Variants in WWOX observed in about 807,000 individuals in gnomAD.
WWOX encodes the protein WW domain-containing oxidoreductase.
WWOX carries 69 observed loss-of-function variants against 46.2 expected under a neutral mutation model. The ratio of observed to expected loss-of-function variants is 1.49; its 90% confidence interval spans 1.23 to 1.82. The LOEUF (loss-of-function observed/expected upper bound fraction) is 1.82. Ranked by LOEUF, WWOX falls within the 40% of genes most tolerant of loss-of-function variation. The pLI is 0.00. For synonymous variants in WWOX, 359 were observed against 202.6 expected (o/e 1.77, Z -6.56); for missense variants, 919 against 542.6 (o/e 1.69, Z -6.89).
At chr16:78,737,877 T>C (rs962175819) in intron 8 of WWOX, among the ~76,000 whole-genome samples, 1 of 152,096 alleles carries the variant, frequency 6.6e-6, no homozygotes, top group South Asian at 2.1e-4. Flanking sequence ...CCCTCACCGA[T>C]CCCTTCCAAA....
At chr16:78,434,328 G>A (rs1008158420) in intron 8 of WWOX, among the ~76,000 whole-genome samples, 1 of 152,116 alleles carries the variant, frequency 6.6e-6, no homozygotes, top group African/African-American at 2.4e-5. Context: ...ACCTGTAGGT[G>A]GATCACAGGG....
chr16:78,725,941 T>A (rs377080313), intron 8 of WWOX, among the ~76,000 whole-genome samples: 14 of 151,894 alleles, frequency 9.2e-5, no homozygotes, highest in African/African-American at 3.1e-4. Context: ...TCCTTTTCTT[T>A]CCTCTTCCCT....
intron 8 of WWOX, among the ~76,000 whole-genome samples, chr16:79,090,280 C>CGTGTGCGTGT (rs1555525606): frequency 7.2e-6 from 1 of 138,284 alleles, no homozygotes; most frequent in Non-Finnish European, 1.6e-5. Flanking sequence ...CTACTGTGTG[C>CGTGTGCGTGT]GTGTGTGTGT....
At chr16:79,057,396 A>C (rs2048282634) in intron 8 of WWOX, among the ~76,000 whole-genome samples, 1 of 152,208 alleles carries the variant, frequency 6.6e-6, no homozygotes, top group African/African-American at 2.4e-5. Context: ...CGGCCATAGC[A>C]TTTTTACCAA....
chr16:78,702,078 T>C, intron 8 of WWOX, among the ~76,000 whole-genome samples: 1 of 110,194 alleles, frequency 9.1e-6, no homozygotes, highest in African/African-American at 3.8e-5. Context: ...ATATATAAAG[T>C]TTTATATTTA....
intron 8 of WWOX, among the ~76,000 whole-genome samples, chr16:79,079,393 C>T (rs373219992): frequency 2.0e-5 from 3 of 152,206 alleles, no homozygotes. Flanking sequence ...AGCCAGCCAG[C>T]CATCAATCCG....
chr16:79,150,522 G>A (rs915269290), intron 8 of WWOX, among the ~76,000 whole-genome samples: 2 of 152,188 alleles, frequency 1.3e-5, no homozygotes, highest in African/African-American at 2.4e-5. Flanking sequence ...TAGTGTGCAT[G>A]CCTCATCTCT....
At chr16:78,854,111 G>C (rs1019838894) in intron 8 of WWOX, among the ~76,000 whole-genome samples, 2 of 152,054 alleles carry the variant, frequency 1.3e-5, no homozygotes, top group African/African-American at 4.8e-5. Flanking sequence ...TTTTTACATA[G>C]TAGTGACTTT....
chr16:78,257,919 AT>A (rs1239197811), intron 5 of WWOX, among the ~76,000 whole-genome samples: 1 of 98,776 alleles, frequency 1.0e-5, no homozygotes, highest in Non-Finnish European at 1.9e-5. Context: ...TGTTTCCAAT[AT>A]TTTTTTATTT....
intron 8 of WWOX, among the ~76,000 whole-genome samples, chr16:78,707,989 G>T (rs1374385377): frequency 1.3e-5 from 2 of 152,046 alleles, no homozygotes; most frequent in East Asian, 3.9e-4. Context: ...TTGATCTTTG[G>T]TCTTCTGACC....
chr16:78,908,465 G>A (rs569111302), intron 8 of WWOX, among the ~76,000 whole-genome samples: 202 of 151,830 alleles, frequency 1.3e-3, no homozygotes, highest in Non-Finnish European at 1.7e-3. Flanking sequence ...GCTTGAACCT[G>A]GGAGGCAGAG....
chr16:78,271,984 T>C (rs1347169405), intron 5 of WWOX, among the ~76,000 whole-genome samples: 1 of 152,204 alleles, frequency 6.6e-6, no homozygotes, highest in African/African-American at 2.4e-5. Flanking sequence ...GCACACCTCA[T>C]CAGCCAGGAG....
rs562428488 is a variant in WWOX at position 78,168,697 on chromosome 16, C to T, written c.516+4408C>T. On this transcript the variant is annotated intron_variant, in intron 5 of 8. Coordinates refer to ENST00000566780, the MANE Select transcript of WWOX (RefSeq NM_016373.4). ...ATTAATTTCAGGATCCATCCTATTT[C>T]TTAGAGGAAGCCACTCTGATCTACC... is the stretch of plus-strand genomic sequence containing the variant. 4.6e-5 allele frequency among the ~76,000 whole-genome samples: 7 copies of T among 152,184 alleles called. No homozygotes were observed. The East Asian group carries it at 7.7e-4, about 17-fold the overall frequency.
chr16:78,692,271 G>A (rs2048006654), intron 8 of WWOX, among the ~76,000 whole-genome samples: 1 of 152,194 alleles, frequency 6.6e-6, no homozygotes, highest in Non-Finnish European at 1.5e-5. Flanking sequence ...GTAAATGGAA[G>A]AGAAGCAACA....
At chr16:78,564,164 T>C (rs531110387) in intron 8 of WWOX, among the ~76,000 whole-genome samples, 2 of 152,368 alleles carry the variant, frequency 1.3e-5, no homozygotes, top group Admixed American at 1.3e-4. Context: ...TGCTGACTCA[T>C]GCAATCTTGA....
At chr16:79,166,964 CAG>C (rs2050606580) in intron 8 of WWOX, among the ~76,000 whole-genome samples, 1 of 151,658 alleles carries the variant, frequency 6.6e-6, no homozygotes, top group African/African-American at 2.4e-5. Context: ...TTTTTTGAGA[CAG>C]AGCCTTGCTG....
chr16:78,905,671 C>A (rs1377476414), intron 8 of WWOX, among the ~76,000 whole-genome samples: 2 of 152,184 alleles, frequency 1.3e-5, no homozygotes, highest in Non-Finnish European at 2.9e-5. Context: ...GCATGAGCCA[C>A]CTGGCCCAGC....
Position 78,213,948 on chromosome 16 carries a change from C to T in WWOX, c.516+49659C>T, listed in dbSNP as rs576455762. Among the ~76,000 whole-genome samples, 74 of 152,228 alleles carry T rather than the reference C, an allele frequency of 4.9e-4. 1 individual carries two copies. The highest frequency in any genetic ancestry group is 1.6e-3 in the African/African-American group (68 of 41,554). ...GGTGTGAGCATGTCACGCTGTGGCC[C>T]GCGCCTCCCCTGTACAGCTGCCTCT... On this transcript the variant is annotated intron_variant, in intron 5 of 8. Transcript: ENST00000566780.
intron 5 of WWOX, among the ~76,000 whole-genome samples, chr16:78,171,804 A>G (rs2035170554): frequency 6.6e-6 from 1 of 152,178 alleles, no homozygotes; most frequent in East Asian, 1.9e-4. Context: ...GAACTATATA[A>G]GCCACTTGCT....
Sources: allele counts gnomAD v4.1 joint callset (sites outside exome capture counted in the v4.1 genomes callset), GRCh38; gene constraint gnomAD v4.1.1; transcripts MANE v1.5; gene names NCBI Gene and HGNC (gene_info 2026-07-23, HGNC 2026-07-21).